The following CNTNAP5 variants were observed in gnomAD, a reference collection of about 807,000 sequenced individuals.
CNTNAP5 encodes the protein contactin associated protein family member 5.
A neutral mutation model predicts 150.2 loss-of-function variants in CNTNAP5; 72 were observed. The observed-to-expected ratio is 0.48, with a 90% confidence interval of 0.40 to 0.58. The LOEUF (loss-of-function observed/expected upper bound fraction) is 0.58, where lower values mean the gene tolerates loss of function less well. Among genes scored for constraint, CNTNAP5 ranks in the 20% least tolerant of loss-of-function variants. The probability of loss-of-function intolerance (pLI) is 0.00; values close to 1 mark genes in which losing one functional copy is unlikely to be tolerated. For synonymous variants in CNTNAP5, 672 were observed against 619.8 expected, an observed-to-expected ratio of 1.08 and a Z score of -1.25; for missense variants, 1,636 against 1,626.2, an observed-to-expected ratio of 1.01 and a Z score of -0.10.
chr2:124,834,196 C>T (rs1294686510), intron 19 of CNTNAP5, among the ~76,000 whole-genome samples: 1 of 152,096 alleles, frequency 6.6e-6, no homozygotes, highest in Non-Finnish European at 1.5e-5. Context: ...ACCAGATACC[C>T]TGCTCTTAAA....
chr2:124,920,913 T>A lies in CNTNAP5; in HGVS notation c.*6625T>A, dbSNP rs1290238561. 6.6e-6 allele frequency among the ~76,000 whole-genome samples: 1 copy of A among 152,076 alleles called. No homozygotes were observed. Among genetic ancestry groups the A allele is most frequent in the East Asian group, 1.9e-4 (1 of 5,166 alleles). ...TACCCTCCCCACAAAAATACACATA[T>A]GTCAGACTCTTTATTATGGTAAAAG... is the stretch of plus-strand genomic sequence containing the variant. On this transcript the variant is annotated 3_prime_UTR_variant, in exon 24 of 24. Coordinates refer to ENST00000682447, the MANE Select transcript of CNTNAP5 (RefSeq NM_001367498.1).
intron 12 of CNTNAP5, among the ~76,000 whole-genome samples, chr2:124,627,412 C>T (rs941202614): frequency 2.0e-5 from 3 of 151,978 alleles, no homozygotes; most frequent in Admixed American, 6.6e-5. Context: ...GCAGCTTGTA[C>T]TGGTGATATC....
At chr2:124,365,823 T>G (rs898968752) in intron 3 of CNTNAP5, among the ~76,000 whole-genome samples, 1 of 152,220 alleles carries the variant, frequency 6.6e-6, no homozygotes, top group African/African-American at 2.4e-5. Flanking sequence ...GTATGCTGAA[T>G]CTGAAGATCC....
At chr2:124,125,298 G>A (rs1338091249) in intron 1 of CNTNAP5, among the ~76,000 whole-genome samples, 1 of 152,036 alleles carries the variant, frequency 6.6e-6, no homozygotes, top group Non-Finnish European at 1.5e-5. Context: ...AACCAACAAA[G>A]ATCAAAAGAG....
chr2:124,079,906 C>T (rs549022847), intron 1 of CNTNAP5, among the ~76,000 whole-genome samples: 1 of 152,144 alleles, frequency 6.6e-6, no homozygotes, highest in Non-Finnish European at 1.5e-5. Flanking sequence ...GTCTTCCTAT[C>T]CATAAAACAT....
intron 13 of CNTNAP5, among the ~76,000 whole-genome samples, chr2:124,671,123 T>C (rs1346966296): frequency 6.6e-6 from 1 of 152,162 alleles, no homozygotes; most frequent in Non-Finnish European, 1.5e-5. Context: ...TCCTCACCCA[T>C]CCTTGACCTC....
intron 1 of CNTNAP5, among the ~76,000 whole-genome samples, chr2:124,158,027 G>C (rs572125822): frequency 6.6e-6 from 1 of 152,172 alleles, no homozygotes; most frequent in Admixed American, 6.5e-5. Context: ...AAGATGACAT[G>C]CTGCAAATGG....
intron 3 of CNTNAP5, among the ~76,000 whole-genome samples, chr2:124,383,051 A>G (rs911125016): frequency 1.3e-5 from 2 of 152,190 alleles, no homozygotes; most frequent in Admixed American, 6.5e-5. Context: ...TACCTTCTGC[A>G]TATACACCTT....
chr2:124,332,205 A>T (rs1381226392), intron 3 of CNTNAP5, among the ~76,000 whole-genome samples: 2 of 151,378 alleles, frequency 1.3e-5, no homozygotes, highest in African/African-American at 4.8e-5. Context: ...CCTTTTAAAA[A>T]CCTCTACATT....
chr2:124,137,984 G>A (rs927083895), intron 1 of CNTNAP5, among the ~76,000 whole-genome samples: 10 of 152,214 alleles, frequency 6.6e-5, no homozygotes, highest in East Asian at 1.9e-4. Context: ...GTGGGATTTC[G>A]TAGATTTCAG....
intron 1 of CNTNAP5, among the ~76,000 whole-genome samples, chr2:124,057,010 G>A (rs1262363151): frequency 1.3e-5 from 2 of 151,934 alleles, no homozygotes; most frequent in African/African-American, 2.4e-5. Flanking sequence ...TACTTACCTA[G>A]GCTGTGAAAT....
At chr2:124,158,940 C>A (rs573994854) in intron 1 of CNTNAP5, among the ~76,000 whole-genome samples, 1 of 152,312 alleles carries the variant, frequency 6.6e-6, no homozygotes, top group South Asian at 2.1e-4. Context: ...ATGCCCTCGA[C>A]ACCCACAGGA....
chr2:124,660,979 T>A lies in CNTNAP5; in HGVS notation c.2077+13021T>A, dbSNP rs13382763. 1.7e-3 allele frequency among the ~76,000 whole-genome samples: 246 copies of A among 146,248 alleles called. 1 individual carries two copies. Among genetic ancestry groups the A allele is most frequent in the African/African-American group, 5.9e-3 (235 of 39,714 alleles). ...AAAAAAAAAGAAAAAGAAAAAAAAA[T>A]TTACGCTGTGTAGGGCACTTACCAT... On this transcript the variant is annotated intron_variant, in intron 13 of 23. Coordinates refer to ENST00000682447, the MANE Select transcript of CNTNAP5 (RefSeq NM_001367498.1).
chr2:124,159,357 C>T (rs1385325879), intron 1 of CNTNAP5, among the ~76,000 whole-genome samples: 3 of 152,138 alleles, frequency 2.0e-5, no homozygotes. Context: ...TGGTGTCTGT[C>T]ACAACTGCTC....
chr2:124,270,722 A>T (rs1036252894), intron 3 of CNTNAP5, among the ~76,000 whole-genome samples: 16 of 151,754 alleles, frequency 1.1e-4, no homozygotes, highest in African/African-American at 3.9e-4. Context: ...TGTGTGTTTT[A>T]GGCCAAGACA....
intron 13 of CNTNAP5, among the ~76,000 whole-genome samples, chr2:124,698,645 A>G (rs1482427693): frequency 6.6e-6 from 1 of 152,022 alleles, no homozygotes. Flanking sequence ...GAGGTCTTCT[A>G]TGCTTCTGCT....
At chr2:124,046,978 T>G (rs1339058472) in intron 1 of CNTNAP5, among the ~76,000 whole-genome samples, 1 of 152,184 alleles carries the variant, frequency 6.6e-6, no homozygotes, top group Admixed American at 6.5e-5. Flanking sequence ...TACAGAAATC[T>G]GAGAAATTCC....
At chr2:124,092,112 T>A (rs1682829040) in intron 1 of CNTNAP5, among the ~76,000 whole-genome samples, 1 of 152,188 alleles carries the variant, frequency 6.6e-6, no homozygotes, top group Non-Finnish European at 1.5e-5. Flanking sequence ...AACTCTACAA[T>A]CTCTTTCTGG....
intron 1 of CNTNAP5, among the ~76,000 whole-genome samples, chr2:124,059,196 T>C (rs1681935650): frequency 6.6e-6 from 1 of 152,052 alleles, no homozygotes; most frequent in Non-Finnish European, 1.5e-5. Context: ...ACTTAGGTAG[T>C]AAAAGTTATC....
Sources: allele counts gnomAD v4.1 joint callset (sites outside exome capture counted in the v4.1 genomes callset), GRCh38; gene constraint gnomAD v4.1.1; transcripts MANE v1.5; gene names NCBI Gene and HGNC (gene_info 2026-07-23, HGNC 2026-07-21).